The following SPIDR variants were observed in gnomAD, a reference collection of about 807,000 sequenced individuals.
The protein encoded by SPIDR is scaffold protein involved in DNA repair.
A neutral mutation model predicts 104.6 loss-of-function variants in SPIDR; 93 were observed. The ratio of observed to expected loss-of-function variants is 0.89; its 90% CI spans 0.75 to 1.06. The LOEUF (loss-of-function observed/expected upper bound fraction) is 1.06, where lower values mean the gene tolerates loss of function less well. Among genes scored for constraint, SPIDR ranks in the 50% least tolerant of loss-of-function variants. The pLI is 0.00. For missense variants in SPIDR, 1,154 were observed against 1,111.2 expected (o/e 1.04, Z -0.55); for synonymous variants, 431 against 416.9 (o/e 1.03, Z -0.41).
intron 10 of SPIDR, among the ~76,000 whole-genome samples, chr8:47,628,140 C>T (rs959170503): frequency 3.3e-5 from 5 of 152,162 alleles, no homozygotes; most frequent in African/African-American, 1.2e-4. Flanking sequence ...AGATGGCTTT[C>T]CCTATTAAAC....
intron 5 of SPIDR, among the ~76,000 whole-genome samples, chr8:47,360,194 A>G (rs981887095): frequency 5.3e-5 from 7 of 132,124 alleles, no homozygotes; most frequent in African/African-American, 2.0e-4. Context: ...GTGAGCGGAG[A>G]TCGCGCCACT....
At chr8:47,490,921 C>G (rs1554738886) in intron 8 of SPIDR, among the ~76,000 whole-genome samples, 1 of 152,102 alleles carries the variant, frequency 6.6e-6, no homozygotes, top group Non-Finnish European at 1.5e-5. Context: ...GTGCAGCACA[C>G]CAATGTGGCA....
intron 7 of SPIDR, among the ~76,000 whole-genome samples, chr8:47,415,315 A>G (rs889335664): frequency 3.3e-5 from 5 of 152,178 alleles, no homozygotes; most frequent in Non-Finnish European, 7.4e-5. Flanking sequence ...CCCGGTAATG[A>G]CATCTTTTAT....
chr8:47,625,597 G>A (rs565676201), intron 10 of SPIDR, among the ~76,000 whole-genome samples: 3,924 of 151,128 alleles, frequency 0.026, 122 homozygotes, highest in African/African-American at 0.084. Context: ...CCAATAACAG[G>A]CAAACAGAGA....
At position 47,431,052 on chromosome 8, in the gene SPIDR, G is replaced by A. The variant is rs541709426; in HGVS notation, c.878-9271G>A. On this transcript the variant is annotated intron_variant, in intron 7 of 19. Coordinates refer to ENST00000297423, the MANE Select transcript of SPIDR (RefSeq NM_001080394.4). ...ATCACAAAATCCCACAGACTGTGAC[G>A]TAAAGAGCAGACAGTTCTTTCTCAC... Among the ~76,000 whole-genome samples the A allele has an allele frequency of 4.6e-5, 7 of 152,320 alleles. No individual in the cohort carries two copies. The South Asian group carries it at 1.0e-3, about 23-fold the overall frequency.
chr8:47,427,686 C>A (rs1038306940), intron 7 of SPIDR, among the ~76,000 whole-genome samples: 2 of 152,142 alleles, frequency 1.3e-5, no homozygotes, highest in African/African-American at 4.8e-5. Context: ...CGTCCCTGAC[C>A]GTCAGGCTAC....
intron 5 of SPIDR, among the ~76,000 whole-genome samples, chr8:47,358,448 A>G (rs138955818): frequency 3.0e-4 from 45 of 152,230 alleles, no homozygotes; most frequent in African/African-American, 1.1e-3. Flanking sequence ...TTTTTTCTCA[A>G]ATACCTTATG....
chr8:47,283,882 T>C, intron 2 of SPIDR, 146 bp from the exon 3 acceptor site: 1 of 587,162 alleles, frequency 1.7e-6, no homozygotes, highest in South Asian at 2.5e-5. Flanking sequence ...GAGTACATGC[T>C]TTGGGATTAC....
At chr8:47,406,716 T>C (rs908819409) in intron 6 of SPIDR, among the ~76,000 whole-genome samples, 4 of 152,196 alleles carry the variant, frequency 2.6e-5, no homozygotes, top group African/African-American at 9.7e-5. Flanking sequence ...GTTACACCAA[T>C]CATGGGCATT....
intron 10 of SPIDR, among the ~76,000 whole-genome samples, chr8:47,666,477 G>T (rs2074950281): frequency 6.6e-6 from 1 of 152,200 alleles, no homozygotes; most frequent in Admixed American, 6.6e-5. Flanking sequence ...AATTTAAAGA[G>T]ATATTTATAT....
At position 47,599,128 on chromosome 8, in the gene SPIDR, TC is replaced by T; in HGVS notation, c.1479del (p.Ser494AlafsTer59). On this transcript the variant is annotated frameshift_variant, in exon 10 of 20. Coordinates refer to ENST00000297423, the MANE Select transcript of SPIDR (RefSeq NM_001080394.4). LOFTEE classifies it high-confidence loss of function. ...TGGTGGTGCAAAGAGTGTATTCTCTTCCCAGCAGAGACAGCACCAGGGGTCA... is the reference window on the plus strand; with the variant it reads ...TGGTGGTGCAAAGAGTGTATTCTCTTCCAGCAGAGACAGCACCAGGGGTCA... The part of the protein sequence containing the change: ...RVVVQRVYSL[P>X]SRDSTRGQQG... 1 of 1,613,274 alleles carries T rather than the reference TC, an allele frequency of 6.2e-7. No homozygotes were observed.
chr8:47,539,136 C>T lies in SPIDR; in HGVS notation c.1098-56675C>T, dbSNP rs147115752. Among the ~76,000 whole-genome samples, 172 of 152,172 alleles carry T rather than the reference C, an allele frequency of 1.1e-3. 1 individual carries two copies. The highest frequency in any genetic ancestry group is 4.0e-3 in the African/African-American group (166 of 41,522). On this transcript the variant is annotated intron_variant, in intron 8 of 19. Coordinates refer to ENST00000297423, the MANE Select transcript of SPIDR (RefSeq NM_001080394.4). The stretch of plus-strand genomic sequence containing the variant: ...TCAGCCTCCCAAAGTGCTGGGATTA[C>T]AGGCATGAGCCACCATGCCCGGCCT...
At chr8:47,353,586 C>T (rs1554623843) in intron 5 of SPIDR, among the ~76,000 whole-genome samples, 1 of 152,032 alleles carries the variant, frequency 6.6e-6, no homozygotes, top group East Asian at 1.9e-4. Context: ...TGAAAGTGAC[C>T]AAAATGGCAT....
chr8:47,551,764 A>G (rs1017807611), intron 8 of SPIDR, among the ~76,000 whole-genome samples: 23 of 151,786 alleles, frequency 1.5e-4, no homozygotes, highest in South Asian at 6.2e-4. Flanking sequence ...TTGTGTCTCT[A>G]TCTCCTTCAG....
intron 7 of SPIDR, among the ~76,000 whole-genome samples, chr8:47,434,598 TAGAA>T (rs1230058738): frequency 2.6e-5 from 4 of 152,214 alleles, no homozygotes; most frequent in Non-Finnish European, 5.9e-5. Context: ...GTATTTCTGT[TAGAA>T]AGACTTACAG....
chr8:47,423,677 G>A (rs2065945981), intron 7 of SPIDR, among the ~76,000 whole-genome samples: 1 of 152,190 alleles, frequency 6.6e-6, no homozygotes, highest in Admixed American at 6.5e-5. Context: ...TGCAGAGAAT[G>A]CAGTTTGATG....
At chr8:47,339,547 A>T (rs781825884) in intron 5 of SPIDR, among the ~76,000 whole-genome samples, 1 of 152,212 alleles carries the variant, frequency 6.6e-6, no homozygotes, top group Non-Finnish European at 1.5e-5. Flanking sequence ...GTATTTATTT[A>T]AAAAACCCAC....
chr8:47,510,961 G>T (rs1225332994), intron 8 of SPIDR: 3 of 636,734 alleles, frequency 4.7e-6, no homozygotes, highest in Non-Finnish European at 5.7e-6. Context: ...GGGCAGGAGG[G>T]ATGATCCCCA....
intron 15 of SPIDR, 133 bp from the exon 16 acceptor site, chr8:47,713,356 C>A: frequency 7.9e-7 from 1 of 1,271,322 alleles, no homozygotes; most frequent in Non-Finnish European, 1.1e-6. Context: ...ACACAATGAA[C>A]GTGCTGCTGG....
Sources: gnomAD v4.1 joint callset for allele counts (sites outside exome capture counted in the v4.1 genomes callset) on GRCh38, gnomAD v4.1.1 for gene constraint, MANE v1.5 for transcripts, NCBI Gene and HGNC (gene_info 2026-07-23, HGNC 2026-07-21) for gene names.